Variants in EFR3B observed in about 807,000 individuals in gnomAD.
The protein encoded by EFR3B is EFR3 homolog B, also known as protein EFR3 homolog B.
In EFR3B, 64 loss-of-function variants were observed where a neutral mutation model predicts 104.7. The ratio of observed to expected loss-of-function variants is 0.61; its 90% CI spans 0.50 to 0.75. EFR3B has a LOEUF of 0.75. Ranked by LOEUF, EFR3B falls within the 30% of genes least tolerant of loss-of-function variation. The pLI, the probability that EFR3B is intolerant of heterozygous loss-of-function variation, is 0.00. For missense variants in EFR3B, 750 were observed against 1,078.5 expected, an observed-to-expected ratio of 0.70 and a Z score of 4.27; for synonymous variants, 385 against 417.9, an observed-to-expected ratio of 0.92 and a Z score of 0.96.
Position 25,130,249 on chromosome 2 carries a change from G to A in EFR3B, c.770+140G>A. 7.3e-7 allele frequency: 1 copy of A among 1,360,940 alleles called. No individual in the cohort carries two copies. Among genetic ancestry groups the A allele is most frequent in the South Asian group, 1.4e-5 (1 of 71,198 alleles). The allele number at this position is 1,360,940 out of a possible 1,614,324, so 84.3% of individuals were successfully genotyped here. ...CCGAGTCGATCCCTTCCCTGTGCCT[G>A]TGTTCCCTGCACTGTGACAGCAAAA... On this transcript the variant is annotated intron_variant, in intron 7 of 22. Coordinates refer to ENST00000403714, the MANE Select transcript of EFR3B (RefSeq NM_014971.2). The surrounding 1 kb of genome is among the most constrained non-coding windows in gnomAD (Gnocchi z 4.6).
intron 1 of EFR3B, among the ~76,000 whole-genome samples, chr2:25,077,426 T>A: frequency 6.6e-6 from 1 of 152,220 alleles, no homozygotes; most frequent in East Asian, 1.9e-4. Flanking sequence ...TAGCTGGGAT[T>A]ATAGGCACCC....
intron 2 of EFR3B, among the ~76,000 whole-genome samples, chr2:25,092,690 A>G (rs1048392114): frequency 3.9e-5 from 6 of 152,138 alleles, no homozygotes; most frequent in African/African-American, 1.4e-4. Flanking sequence ...CTGGGATTAC[A>G]GGCACTCGCC....
rs1043055057 is a variant in EFR3B, at chr2:25,156,501, T to C, written c.*2161T>C. ...TAGTAGACATGAGGTTTCACCGTGTTGGCCAGGCTGGTCTGGAACTCCTGA... is the reference window on the plus strand; with the variant it reads ...TAGTAGACATGAGGTTTCACCGTGTCGGCCAGGCTGGTCTGGAACTCCTGA... On this transcript the variant is annotated 3_prime_UTR_variant, in exon 23 of 23. Coordinates refer to ENST00000403714, the MANE Select transcript of EFR3B (RefSeq NM_014971.2). 34 of 152,058 alleles carry C rather than the reference T, an allele frequency of 2.2e-4. No individual in the cohort carries two copies. Among genetic ancestry groups the C allele is most frequent in the African/African-American group, 7.2e-4 (30 of 41,486 alleles). The allele number at this position is 152,058 out of a possible 1,614,324, so 9.4% of individuals were successfully genotyped here. A position where few individuals can be genotyped will look rare whatever the true frequency, so the allele number is the denominator to read the frequency against.
chr2:25,082,839 G>A (rs1457945270), intron 1 of EFR3B, among the ~76,000 whole-genome samples: 2 of 152,150 alleles, frequency 1.3e-5, no homozygotes, highest in Non-Finnish European at 2.9e-5. Flanking sequence ...CTATGAAAAG[G>A]AATAAACCAG....
At chr2:25,150,300 C>CA (rs533611175) in intron 20 of EFR3B, among the ~76,000 whole-genome samples, 4,886 of 62,180 alleles carry the variant, frequency 0.079, 153 homozygotes, top group Non-Finnish European at 0.12. Context: ...ACTCCCATCT[C>CA]AAAAAAAAAA....
intron 17 of EFR3B, 79 bp from the exon 18 acceptor site, chr2:25,143,654 CTG>C (rs940666665): frequency 4.6e-6 from 7 of 1,514,222 alleles, no homozygotes; most frequent in Non-Finnish European, 6.2e-6. Flanking sequence ...GAGCAAAACC[CTG>C]TCTTAAAAAA....
At chr2:25,065,393 G>T (rs184801343) in intron 1 of EFR3B, among the ~76,000 whole-genome samples, 1 of 132,020 alleles carries the variant, frequency 7.6e-6, no homozygotes, top group Non-Finnish European at 1.5e-5. Context: ...TTCTCACTGC[G>T]TTGCCCAGGA....
chr2:25,110,426 C>T (rs1301588226), intron 4 of EFR3B, among the ~76,000 whole-genome samples: 1 of 152,168 alleles, frequency 6.6e-6, no homozygotes, highest in African/African-American at 2.4e-5. Context: ...AAACTCCCCT[C>T]CCAAATCAGC....
intron 1 of EFR3B, among the ~76,000 whole-genome samples, chr2:25,065,306 G>A (rs1301700043): frequency 2.7e-5 from 4 of 150,152 alleles, no homozygotes; most frequent in South Asian, 2.1e-4. Context: ...TCAGCCTCCC[G>A]AGCAGCTGGG....
intron 11 of EFR3B, 87 bp downstream of exon 11, chr2:25,133,101 T>G: frequency 7.9e-7 from 1 of 1,269,774 alleles, no homozygotes; most frequent in Non-Finnish European, 1.1e-6. Flanking sequence ...TTAATTTTCT[T>G]GGCTCTGCCC....
chr2:25,130,733 G>A lies in EFR3B; in HGVS notation c.849+103G>A, dbSNP rs1047907101. ...GCCAGAAGTCCCCTGTGACTCCTCC[G>A]AAGCCCCCAGTTGCCGAAACCAGTG... On this transcript the variant is annotated intron_variant, in intron 8 of 22. Coordinates refer to ENST00000403714, the MANE Select transcript of EFR3B (RefSeq NM_014971.2). The surrounding 1 kb of genome is among the most constrained non-coding windows in gnomAD (Gnocchi z 4.6). 19 of 1,084,030 alleles carry A rather than the reference G, an allele frequency of 1.8e-5. No individual in the cohort carries two copies. Among genetic ancestry groups the A allele is most frequent in the Admixed American group, 6.1e-5 (3 of 49,404 alleles). 67.2% of individuals were successfully genotyped at this position (1,084,030 alleles called of 1,614,324 possible).
intron 1 of EFR3B, among the ~76,000 whole-genome samples, chr2:25,084,980 C>T (rs1668910216): frequency 6.6e-6 from 1 of 152,148 alleles, no homozygotes; most frequent in African/African-American, 2.4e-5. Flanking sequence ...ATTTTCCTTT[C>T]ACAGGTTGTT....
chr2:25,079,824 G>GAAC, intron 1 of EFR3B: 1 of 800,550 alleles, frequency 1.2e-6, no homozygotes, highest in Non-Finnish European at 2.2e-6. Flanking sequence ...ACACCAAAAA[G>GAAC]AACAATAACA....
intron 19 of EFR3B, 75 bp from the exon 20 acceptor site, chr2:25,149,619 A>G: frequency 6.9e-7 from 1 of 1,441,428 alleles, no homozygotes; most frequent in Non-Finnish European, 9.5e-7. Flanking sequence ...GGGCTGCCAG[A>G]GAGCTGGGGG....
Position 25,151,931 on chromosome 2 carries a change from GAGGAGC to G in EFR3B, c.2216_2221del (p.Gln739_Glu740del). The G allele has an allele frequency of 6.4e-7, 1 of 1,551,734 alleles. No individual in the cohort carries two copies. Among genetic ancestry groups the G allele is most frequent in the Non-Finnish European group, 8.7e-7 (1 of 1,147,014 alleles). The stretch of plus-strand genomic sequence containing the variant: ...TGTCGAAGTGGACAGCGTAGCAGTG[GAGGAGC>G]AGGAGCGTGAGCGGCGGCGGCAGGT... On this transcript the variant is annotated inframe_deletion, in exon 21 of 23. Coordinates refer to ENST00000403714, the MANE Select transcript of EFR3B (RefSeq NM_014971.2).
At chr2:25,140,877 C>T (rs1670642387) in intron 16 of EFR3B, among the ~76,000 whole-genome samples, 1 of 152,014 alleles carries the variant, frequency 6.6e-6, no homozygotes, top group South Asian at 2.1e-4. Flanking sequence ...CTCATCTCTA[C>T]TAAAAATATA....
chr2:25,050,825 C>T (rs958435922), intron 1 of EFR3B, among the ~76,000 whole-genome samples: 1 of 152,156 alleles, frequency 6.6e-6, no homozygotes, highest in African/African-American at 2.4e-5. Flanking sequence ...TTGCCTAGGA[C>T]GAATACAGCT....
intron 4 of EFR3B, among the ~76,000 whole-genome samples, chr2:25,104,358 C>T (rs1339708902): frequency 6.6e-6 from 1 of 152,110 alleles, no homozygotes; most frequent in Non-Finnish European, 1.5e-5. Context: ...GACAGAGACT[C>T]CATCTCAAAA....
intron 19 of EFR3B, among the ~76,000 whole-genome samples, chr2:25,149,021 C>T (rs1466055402): frequency 6.6e-6 from 1 of 150,946 alleles, no homozygotes; most frequent in Non-Finnish European, 1.5e-5. Context: ...CCCTTGCTTC[C>T]AATGTTTTCT....
Sources: gnomAD v4.1 joint callset for allele counts (sites outside exome capture counted in the v4.1 genomes callset) on GRCh38, gnomAD v4.1.1 for gene constraint, Gnocchi (gnomAD v3.1) non-coding constraint, MANE v1.5 for transcripts, NCBI Gene and HGNC (gene_info 2026-07-23, HGNC 2026-07-21) for gene names.